Variants in TMEM45B observed in about 807,000 individuals in gnomAD.
TMEM45B encodes the protein transmembrane protein 45B.
Under a neutral mutation model 27.3 loss-of-function variants are expected in TMEM45B, and 29 were observed. That is an observed-to-expected ratio of 1.06 (90% CI 0.79 to 1.45). The LOEUF is 1.45. Ranked by LOEUF, TMEM45B falls within the 40% of genes most tolerant of loss-of-function variation. The pLI, the probability that TMEM45B is intolerant of heterozygous loss-of-function variation, is 0.00. For synonymous variants in TMEM45B, 143 were observed against 134.7 expected, an observed-to-expected ratio of 1.06 and a Z score of -0.43; for missense variants, 348 against 343.9, an observed-to-expected ratio of 1.01 and a Z score of -0.09.
chr11:129,837,583 GGC>G (rs1947636353), intron 1 of TMEM45B, among the ~76,000 whole-genome samples: 2 of 37,612 alleles, frequency 5.3e-5, no homozygotes, highest in Non-Finnish European at 1.2e-4. Context: ...CACTGCACTG[GGC>G]TTTTTTTTTT....
rs1409517509 is a variant in TMEM45B, at chr11:129,823,688, A to G, written c.-9+7790A>G. Among the ~76,000 whole-genome samples the G allele has an allele frequency of 3.9e-5, 6 of 152,148 alleles. No homozygotes were observed. In the South Asian group the frequency reaches 1.0e-3, roughly 26 times the overall value. ...TCAAATCTGATGGTATGGAATAGCT[A>G]TAAGAAAACAAACTTGAAAGATCTC... is the stretch of plus-strand genomic sequence containing the variant. On this transcript the variant is annotated intron_variant, in intron 1 of 5. Coordinates refer to ENST00000281441, the MANE Select transcript of TMEM45B (RefSeq NM_138788.5).
intron 1 of TMEM45B, among the ~76,000 whole-genome samples, chr11:129,832,530 G>A (rs1440631987): frequency 6.6e-6 from 1 of 152,046 alleles, no homozygotes; most frequent in Non-Finnish European, 1.5e-5. Flanking sequence ...ATTGGTGATT[G>A]CCAGGGGTTG....
chr11:129,837,113 T>A (rs1423486736), intron 1 of TMEM45B, among the ~76,000 whole-genome samples: 2 of 151,954 alleles, frequency 1.3e-5, no homozygotes, highest in Non-Finnish European at 2.9e-5. Context: ...CCCAAAGCCC[T>A]TTAGTCCTGA....
intron 1 of TMEM45B, among the ~76,000 whole-genome samples, chr11:129,829,437 C>G (rs1194137321): frequency 6.6e-6 from 1 of 152,116 alleles, no homozygotes; most frequent in African/African-American, 2.4e-5. Context: ...TTGGTCAGTC[C>G]CAATCTGACA....
At chr11:129,850,775 C>T (rs1405505203) in intron 1 of TMEM45B, among the ~76,000 whole-genome samples, 2 of 152,184 alleles carry the variant, frequency 1.3e-5, no homozygotes, top group Middle Eastern at 3.2e-3. Flanking sequence ...TTCCCCACAG[C>T]TCATATCCCA....
chr11:129,859,034 G>A lies in TMEM45B; in HGVS notation c.*349G>A, dbSNP rs1245844458. The A allele has an allele frequency of 6.4e-6, 1 of 156,188 alleles. No individual in the cohort carries two copies. Among genetic ancestry groups the A allele is most frequent in the African/African-American group, 2.4e-5 (1 of 41,572 alleles). The allele number at this position is 156,188 out of a possible 1,614,324, so 9.7% of individuals were successfully genotyped here. On this transcript the variant is annotated 3_prime_UTR_variant, in exon 6 of 6. Transcript: ENST00000281441. Reference sequence around the variant, plus strand: ...AAGTGGCCTCATGGATGAATCCGGGGTATGAGCCCAGGAGAACGTGCTGCT... The same window carrying A: ...AAGTGGCCTCATGGATGAATCCGGGATATGAGCCCAGGAGAACGTGCTGCT...
chr11:129,855,570 G>A (rs927491462), intron 3 of TMEM45B, 138 bp from the exon 4 acceptor site: 11 of 769,604 alleles, frequency 1.4e-5, no homozygotes, highest in South Asian at 5.0e-5. Flanking sequence ...ACACTTACTC[G>A]CATCTGTTTG....
intron 1 of TMEM45B, among the ~76,000 whole-genome samples, chr11:129,822,462 C>T (rs144001952): frequency 2.4e-3 from 364 of 152,222 alleles, no homozygotes; most frequent in African/African-American, 8.0e-3. Flanking sequence ...GCAGAGAAGG[C>T]CTTTTTGATG....
chr11:129,836,262 T>C (rs1483249392), intron 1 of TMEM45B, among the ~76,000 whole-genome samples: 1 of 143,220 alleles, frequency 7.0e-6, no homozygotes, highest in Non-Finnish European at 1.5e-5. Context: ...AGCAGATAAT[T>C]TCTTGTCTGG....
intron 1 of TMEM45B, among the ~76,000 whole-genome samples, chr11:129,846,211 T>C (rs1947758778): frequency 6.6e-6 from 1 of 152,216 alleles, no homozygotes; most frequent in South Asian, 2.1e-4. Context: ...CTCACGCCTG[T>C]AATCCCAGCA....
In TMEM45B at chr11:129,857,318, G is replaced by A. The variant is rs1947943209; in HGVS notation, c.576G>A (p.Gly192=). The A allele has an allele frequency of 1.2e-6, 2 of 1,614,048 alleles. No homozygotes were observed. The highest frequency in any genetic ancestry group is 1.7e-5 in the Admixed American group (1 of 60,010). ...TTCTCTCTGTAATCCCCTAGATTGG[G>A]TTTGTGCTGTTCCCACCTTTTGGAA... ...ILQGTWFWQI[G]FVLFPPFGTP... The change falls in exon 5 of 6, where the codon GGG becomes GGA. Residue 192 remains glycine, a synonymous_variant. Coordinates refer to ENST00000281441, the MANE Select transcript of TMEM45B (RefSeq NM_138788.5).
intron 1 of TMEM45B, among the ~76,000 whole-genome samples, chr11:129,838,553 G>T (rs1947652544): frequency 6.6e-6 from 1 of 152,136 alleles, no homozygotes; most frequent in Non-Finnish European, 1.5e-5. Flanking sequence ...TTCTAGGACA[G>T]CTGGCATACC....
chr11:129,827,690 C>T (rs1565364086), intron 1 of TMEM45B, among the ~76,000 whole-genome samples: 1 of 152,128 alleles, frequency 6.6e-6, no homozygotes, highest in African/African-American at 2.4e-5. Flanking sequence ...GTAATCCCAG[C>T]TACTCGAGAG....
chr11:129,854,759 A>T lies in TMEM45B; in HGVS notation c.328A>T (p.Ser110Cys). ...GIVDMLTYLV[S>C]HVPLGVDRLV... Reference sequence around the variant, plus strand: ...TGTTGACATGCTCACCTATCTGGTCAGCCACGTTCCCTTGGGGGTGGACAG... The same window carrying T: ...TGTTGACATGCTCACCTATCTGGTCTGCCACGTTCCCTTGGGGGTGGACAG... Residue 110 changes from serine to cysteine, a missense_variant, in exon 3 of 6, where the codon AGC becomes TGC. Transcript: ENST00000281441. The T allele has an allele frequency of 6.2e-7, 1 of 1,614,234 alleles. No homozygotes were observed. Among genetic ancestry groups the T allele is most frequent in the Non-Finnish European group, 8.5e-7 (1 of 1,180,038 alleles).
Position 129,857,293 on chromosome 11 carries a change from T to C in TMEM45B, c.571-20T>C. ...CAGGACGACCAACCACAAGACCAAC[T>C]TCTCTCTGTAATCCCCTAGATTGGG... On this transcript the variant is annotated intron_variant, in intron 4 of 5. Transcript: ENST00000281441. The C allele has an allele frequency of 6.2e-7, 1 of 1,611,390 alleles. No individual in the cohort carries two copies.
chr11:129,819,108 T>C (rs1299030027), intron 1 of TMEM45B, among the ~76,000 whole-genome samples: 1 of 152,246 alleles, frequency 6.6e-6, no homozygotes, highest in African/African-American at 2.4e-5. Flanking sequence ...GCCGTTATTA[T>C]AGTGGCTAAA....
At chr11:129,846,544 T>C (rs1047027742) in intron 1 of TMEM45B, among the ~76,000 whole-genome samples, 8 of 152,184 alleles carry the variant, frequency 5.3e-5, no homozygotes, top group Admixed American at 4.6e-4. Flanking sequence ...CCACAAGTAT[T>C]TACTGAGTGC....
In TMEM45B at chr11:129,828,962, G is replaced by A. The variant is rs576531009; in HGVS notation, c.-9+13064G>A. ...CTAAGTCTCTCCCCTATTATTGCACGAATAGTGTACCAGCACCAGACTAGA... is the reference window on the plus strand; with the variant it reads ...CTAAGTCTCTCCCCTATTATTGCACAAATAGTGTACCAGCACCAGACTAGA... On this transcript the variant is annotated intron_variant, in intron 1 of 5. Transcript: ENST00000281441. 4.6e-5 allele frequency among the ~76,000 whole-genome samples: 7 copies of A among 152,298 alleles called. No homozygotes were observed. The South Asian group carries it at 6.2e-4, about 14-fold the overall frequency.
intron 1 of TMEM45B, among the ~76,000 whole-genome samples, chr11:129,820,708 T>C (rs1009424159): frequency 6.6e-6 from 1 of 151,964 alleles, no homozygotes; most frequent in African/African-American, 2.4e-5. Context: ...TCTGTTAGCT[T>C]TTTGCCTCAC....
Sources: allele counts gnomAD v4.1 joint callset (sites outside exome capture counted in the v4.1 genomes callset), GRCh38; gene constraint gnomAD v4.1.1; transcripts MANE v1.5; gene names NCBI Gene and HGNC (gene_info 2026-07-23, HGNC 2026-07-21).